Variants in BRAF observed in about 807,000 individuals in gnomAD.
BRAF encodes the protein B-Raf proto-oncogene, serine/threonine kinase, also known as serine/threonine-protein kinase B-raf.
Under a neutral mutation model 104.6 loss-of-function variants are expected in BRAF, and 16 were observed. The observed-to-expected ratio is 0.15, with a 90% CI of 0.10 to 0.23. BRAF has a LOEUF of 0.23. BRAF is among the 10% of genes least tolerant of loss of function. The pLI, the probability that BRAF is intolerant of heterozygous loss-of-function variation, is 1.00. For synonymous variants in BRAF, 310 were observed against 341.6 expected (o/e 0.91, Z 1.02); for missense variants, 541 against 937.3 (o/e 0.58, Z 5.52).
At chr7:140,800,215 T>C (rs915004233) in intron 7 of BRAF, 147 bp downstream of exon 7, 2 of 1,255,230 alleles carry the variant, frequency 1.6e-6, no homozygotes, top group Non-Finnish European at 1.1e-6. Context: ...CAAATGCATG[T>C]AAATATCTGA....
At chr7:140,794,556 G>T in intron 7 of BRAF, 89 bp from the exon 8 acceptor site, 2 of 1,428,286 alleles carry the variant, frequency 1.4e-6, no homozygotes, top group Non-Finnish European at 1.9e-6. Flanking sequence ...GGATTTTCTT[G>T]TTTTTATATT....
At chr7:140,876,041 C>T (rs1205254138) in intron 1 of BRAF, among the ~76,000 whole-genome samples, 1 of 152,152 alleles carries the variant, frequency 6.6e-6, no homozygotes, top group African/African-American at 2.4e-5. Context: ...GACAAAAATA[C>T]ATTAACCCTC....
chr7:140,750,650 T>C (rs1340463390), intron 16 of BRAF, among the ~76,000 whole-genome samples: 1 of 152,222 alleles, frequency 6.6e-6, no homozygotes. Context: ...TAGTTGCTTT[T>C]AGTAATACAG....
At chr7:140,871,920 A>G (rs766723546) in intron 1 of BRAF, among the ~76,000 whole-genome samples, 8 of 152,142 alleles carry the variant, frequency 5.3e-5, no homozygotes, top group Non-Finnish European at 8.8e-5. Flanking sequence ...AAACAAAAAT[A>G]CTAAATTGCA....
chr7:140,834,786 A>G lies in BRAF; in HGVS notation c.327T>C (p.Phe109=), dbSNP rs1400919698. The change falls in exon 3 of 20, where the codon TTT becomes TTC. Residue 109 remains phenylalanine (F), a synonymous_variant. Transcript: ENST00000644969. ...CCATTGATGCAGAGCTAGAAACAGA[A>G]AAATCAGTTCCGTTCCCCAGAGATT... ...LLESLGNGTD[F]SVSSSASMDT... 6.2e-7 allele frequency: 1 copy of G among 1,614,212 alleles called. No individual in the cohort carries two copies. The highest frequency in any genetic ancestry group is 8.5e-7 in the Non-Finnish European group (1 of 1,180,026).
At chr7:140,758,467 T>G (rs996955545) in intron 14 of BRAF, among the ~76,000 whole-genome samples, 1 of 152,300 alleles carries the variant, frequency 6.6e-6, no homozygotes, top group South Asian at 2.1e-4. Flanking sequence ...TTCACTTTTT[T>G]TTTTGGAGAC....
intron 17 of BRAF, 42 bp downstream of exon 16, chr7:140,749,245 T>C: frequency 6.2e-7 from 1 of 1,609,038 alleles, no homozygotes; most frequent in East Asian, 2.2e-5. Flanking sequence ...GAGCCTTGTA[T>C]ATAGACGGTA....
At chr7:140,833,573 A>G (rs1807017063) in intron 3 of BRAF, among the ~76,000 whole-genome samples, 1 of 152,248 alleles carries the variant, frequency 6.6e-6, no homozygotes, top group African/African-American at 2.4e-5. Flanking sequence ...TACCCAACAG[A>G]ATAAAGAGAA....
Position 140,724,367 on chromosome 7 carries a change from A to G in BRAF, c.*2127T>C. On this transcript the variant is annotated 3_prime_UTR_variant, in exon 20 of 20. Transcript: ENST00000644969. ...CACAGCCACATTTAAAAGCATCTAGAGATATATTTAAAAAGAAAAAACAGC... is the reference window on the plus strand; with the variant it reads ...CACAGCCACATTTAAAAGCATCTAGGGATATATTTAAAAAGAAAAAACAGC... 9.5e-7 allele frequency: 1 copy of G among 1,055,108 alleles called. No homozygotes were observed. The highest frequency in any genetic ancestry group is 1.1e-6 in the Non-Finnish European group (1 of 872,890). The allele number at this position is 1,055,108 out of a possible 1,614,324, so 65.4% of individuals were successfully genotyped here.
At chr7:140,749,109 G>A (rs1797581202) in intron 17 of BRAF, 178 bp downstream of exon 16, 1 of 666,774 alleles carries the variant, frequency 1.5e-6, no homozygotes, top group Non-Finnish European at 2.5e-6. Flanking sequence ...GATATTCTGA[G>A]GAAAGGACTT....
chr7:140,750,617 C>T (rs768666817), intron 16 of BRAF, among the ~76,000 whole-genome samples: 4 of 152,130 alleles, frequency 2.6e-5, no homozygotes, highest in African/African-American at 7.2e-5. Flanking sequence ...GTATCTACTT[C>T]GCTTTGTCAT....
intron 1 of BRAF, among the ~76,000 whole-genome samples, chr7:140,867,671 GAGAT>G (rs1229935157): frequency 6.6e-6 from 1 of 152,166 alleles, no homozygotes; most frequent in Non-Finnish European, 1.5e-5. Flanking sequence ...TACATGAACA[GAGAT>G]AGGAAGGAAG....
intron 1 of BRAF, among the ~76,000 whole-genome samples, chr7:140,912,593 AC>A (rs1484720616): frequency 6.6e-6 from 1 of 151,982 alleles, no homozygotes; most frequent in Non-Finnish European, 1.5e-5. Flanking sequence ...CACTTTCCTC[AC>A]TAGCTCTGGC....
At chr7:140,746,393 T>C (rs977155888) in intron 17 of BRAF, among the ~76,000 whole-genome samples, 1 of 152,158 alleles carries the variant, frequency 6.6e-6, no homozygotes, top group Non-Finnish European at 1.5e-5. Context: ...ACAAAGTGAT[T>C]TCCCAGACTT....
rs139404728 is a variant in BRAF at position 140,725,301 on chromosome 7, A to G, written c.*1193T>C. ...CAAGTACCATTAATTGAAAAATTAT[A>G]AATATTTGTCATTATGCTAAGACTC... is the stretch of plus-strand genomic sequence containing the variant. On this transcript the variant is annotated 3_prime_UTR_variant, in exon 20 of 20. Coordinates refer to ENST00000644969, the MANE Select transcript of BRAF (RefSeq NM_001374258.1). 7.7e-6 allele frequency: 8 copies of G among 1,034,490 alleles called. No homozygotes were observed. In the African/African-American group the frequency reaches 1.2e-4, roughly 15 times the overall value. The allele number at this position is 1,034,490 out of a possible 1,614,324, so 64.1% of individuals were successfully genotyped here. A position where few individuals can be genotyped will look rare whatever the true frequency, so the allele number is the denominator to read the frequency against.
At chr7:140,907,267 C>G (rs908537346) in intron 1 of BRAF, among the ~76,000 whole-genome samples, 1 of 152,028 alleles carries the variant, frequency 6.6e-6, no homozygotes, top group African/African-American at 2.4e-5. Context: ...TTTTTCCCCC[C>G]CTTTTCTTTT....
chr7:140,828,963 AACTG>A (rs1352220736), intron 3 of BRAF, among the ~76,000 whole-genome samples: 8 of 152,194 alleles, frequency 5.3e-5, no homozygotes, highest in East Asian at 1.9e-4. Flanking sequence ...GTACACTCAC[AACTG>A]ACTGACTGCA....
chr7:140,812,341 T>C (rs1042621709), intron 3 of BRAF, among the ~76,000 whole-genome samples: 2 of 152,162 alleles, frequency 1.3e-5, no homozygotes, highest in Admixed American at 1.3e-4. Flanking sequence ...TTCTAATATA[T>C]AATCTTAAAT....
intron 1 of BRAF, among the ~76,000 whole-genome samples, chr7:140,896,244 A>G (rs1396596129): frequency 6.6e-6 from 1 of 151,940 alleles, no homozygotes; most frequent in African/African-American, 2.4e-5. Flanking sequence ...ATCCATTTTG[A>G]GTTGATTTTT....
Sources: allele counts gnomAD v4.1 joint callset (sites outside exome capture counted in the v4.1 genomes callset), GRCh38; gene constraint gnomAD v4.1.1; transcripts MANE v1.5; gene names NCBI Gene and HGNC (gene_info 2026-07-23, HGNC 2026-07-21).